CAMSAP1: variants seen among roughly 807,000 people sequenced by gnomAD.
CAMSAP1 encodes calmodulin-regulated spectrin-associated protein 1.
Under a neutral mutation model 143.5 loss-of-function variants are expected in CAMSAP1, and 58 were observed. The observed-to-expected ratio is 0.40, with a 90% CI of 0.33 to 0.50. The LOEUF (loss-of-function observed/expected upper bound fraction) is 0.50, where lower values mean the gene tolerates loss of function less well. Ranked by LOEUF, CAMSAP1 falls within the 20% of genes least tolerant of loss-of-function variation. The pLI is 0.45. For missense variants in CAMSAP1, 1,969 were observed against 2,115.7 expected (o/e 0.93, Z 1.36); for synonymous variants, 945 against 859.3 (o/e 1.10, Z -1.74).
intron 3 of CAMSAP1, among the ~76,000 whole-genome samples, chr9:135,881,357 CAAA>C (rs757023319): frequency 3.5e-5 from 4 of 114,618 alleles, no homozygotes; most frequent in African/African-American, 3.2e-5. Context: ...GACCCTGTCT[CAAA>C]AAAAAAAAAA....
At chr9:135,865,313 C>T (rs200824461) in intron 4 of CAMSAP1, 441 of 1,550,222 alleles carry the variant, frequency 2.8e-4, no homozygotes, top group Middle Eastern at 8.3e-4. Flanking sequence ...TGGCAGCTGG[C>T]GGCTTGGGGT....
At chr9:135,813,877 T>A (rs113245963) in intron 16 of CAMSAP1, among the ~76,000 whole-genome samples, 1 of 152,218 alleles carries the variant, frequency 6.6e-6, no homozygotes, top group Non-Finnish European at 1.5e-5. Flanking sequence ...GGGCTTTCCA[T>A]GGCCCACAGG....
intron 1 of CAMSAP1, among the ~76,000 whole-genome samples, chr9:135,888,271 T>C (rs1031328164): frequency 6.6e-6 from 1 of 152,248 alleles, no homozygotes; most frequent in African/African-American, 2.4e-5. Flanking sequence ...TCCGTCGCTA[T>C]TACTGCAATG....
chr9:135,833,183 G>T lies in CAMSAP1; in HGVS notation c.1046-5599C>A, dbSNP rs1381728992. Among the ~76,000 whole-genome samples, 6 of 148,056 alleles carry T rather than the reference G, an allele frequency of 4.1e-5. No homozygotes were observed. In the East Asian group the frequency reaches 1.2e-3, roughly 30 times the overall value. On this transcript the variant is annotated intron_variant, in intron 7 of 16. Transcript: ENST00000389532. The stretch of plus-strand genomic sequence containing the variant: ...TGCAAGCTCCGCCTCCCGGATTCAC[G>T]CCATTCTCTTGCCTCAGCCTCCCAA...
chr9:135,826,194 G>GCTTCTTGTGCGCACACACACA lies in CAMSAP1; in HGVS notation c.1223+1212_1223+1213insTGTGTGTGTGCGCACAAGAAG, dbSNP rs1554789548. The GCTTCTTGTGCGCACACACACA allele has an allele frequency of 5.7e-4, 65 of 113,626 alleles. No individual in the cohort carries two copies. Among genetic ancestry groups the GCTTCTTGTGCGCACACACACA allele is most frequent in the African/African-American group, 2.6e-3 (64 of 25,022 alleles). The allele number at this position is 113,626 out of a possible 1,614,324, so 7.0% of individuals were successfully genotyped here. A position where few individuals can be genotyped will look rare whatever the true frequency, so the allele number is the denominator to read the frequency against. ...CAGAGCAGCGTGTACACGGGCACCA[G>GCTTCTTGTGCGCACACACACA]CACACACACACACACACACACGGCT... is the stretch of plus-strand genomic sequence containing the variant. On this transcript the variant is annotated intron_variant, in intron 8 of 16. Transcript: ENST00000389532. This position sits in a 1 kb window ranked among gnomAD's most constrained non-coding sequence, Gnocchi z 4.4.
chr9:135,875,091 G>A (rs902317417), intron 3 of CAMSAP1, among the ~76,000 whole-genome samples: 5 of 152,084 alleles, frequency 3.3e-5, no homozygotes, highest in Admixed American at 6.5e-5. Flanking sequence ...CAATTCTCCC[G>A]AAATTCATCT....
At chr9:135,870,979 C>G (rs1243492030) in intron 3 of CAMSAP1, among the ~76,000 whole-genome samples, 1 of 152,106 alleles carries the variant, frequency 6.6e-6, no homozygotes, top group African/African-American at 2.4e-5. Flanking sequence ...ATAGCAAAAA[C>G]AGATTTGCAT....
chr9:135,861,698 G>T (rs1266486212), intron 5 of CAMSAP1, among the ~76,000 whole-genome samples: 1 of 152,058 alleles, frequency 6.6e-6, no homozygotes, highest in Non-Finnish European at 1.5e-5. Context: ...CAAGATCAAT[G>T]CCAGCTCAAT....
chr9:135,882,919 T>A lies in CAMSAP1; in HGVS notation c.320A>T (p.His107Leu). The A allele has an allele frequency of 6.4e-7, 1 of 1,551,714 alleles. No individual in the cohort carries two copies. The highest frequency in any genetic ancestry group is 2.4e-5 in the East Asian group (1 of 40,922). Reference sequence around the variant, plus strand: ...GGACAGGGCCTGGATGACAGACTGGTGTCCCTGTAAGGCGGCCACCTGGTC... The same window carrying A: ...GGACAGGGCCTGGATGACAGACTGGAGTCCCTGTAAGGCGGCCACCTGGTC... ...KGDQVAALQG[H>L]QSVIQALSRK... Residue 107 changes from histidine to leucine, a missense_variant, in exon 2 of 17, where the codon CAC becomes CTC. Transcript: ENST00000389532. The surrounding 1 kb of genome is among the most constrained non-coding windows in gnomAD (Gnocchi z 4.9).
chr9:135,890,486 G>A (rs1041570421), intron 1 of CAMSAP1, among the ~76,000 whole-genome samples: 1 of 152,152 alleles, frequency 6.6e-6, no homozygotes, highest in Non-Finnish European at 1.5e-5. Flanking sequence ...TGGTAAAGAC[G>A]GCAGGCTGTG....
intron 5 of CAMSAP1, among the ~76,000 whole-genome samples, chr9:135,861,940 C>T (rs964395270): frequency 1.7e-4 from 26 of 152,206 alleles, no homozygotes. Context: ...GTCATCGGAA[C>T]GTCCCCAACA....
At chr9:135,845,049 C>T (rs1451349849) in intron 7 of CAMSAP1, among the ~76,000 whole-genome samples, 3 of 152,012 alleles carry the variant, frequency 2.0e-5, no homozygotes, top group African/African-American at 4.8e-5. Flanking sequence ...TACCAAAACC[C>T]GGCAGAGACA....
chr9:135,864,502 A>G (rs12338243), intron 4 of CAMSAP1, among the ~76,000 whole-genome samples: 22,725 of 151,982 alleles, frequency 0.15, 2,190 homozygotes, highest in East Asian at 0.34. Flanking sequence ...ATGACACTGA[A>G]GGACACAGGC....
intron 1 of CAMSAP1, among the ~76,000 whole-genome samples, chr9:135,888,239 G>A (rs1042068936): frequency 2.6e-5 from 4 of 152,222 alleles, no homozygotes; most frequent in South Asian, 2.1e-4. Context: ...GGATGCACAC[G>A]GGAGTCTCAG....
At chr9:135,812,209 A>C (rs1253461743) in intron 16 of CAMSAP1, among the ~76,000 whole-genome samples, 1 of 152,228 alleles carries the variant, frequency 6.6e-6, no homozygotes. Context: ...ATGTACCCCC[A>C]AAAGCATGCA....
chr9:135,815,996 C>A lies in CAMSAP1; in HGVS notation c.4281G>T (p.Ser1427=), dbSNP rs147881781. The A allele has an allele frequency of 9.9e-6, 16 of 1,613,514 alleles. No homozygotes were observed. Among genetic ancestry groups the A allele is most frequent in the Non-Finnish European group, 1.4e-5 (16 of 1,179,860 alleles). Residue 1427 remains serine (S), a synonymous_variant, in exon 15 of 17, where the codon TCG becomes TCT. Coordinates refer to ENST00000389532, the MANE Select transcript of CAMSAP1 (RefSeq NM_015447.4). ...SGGTPSQRVE[S]MEALPILSRN... ...GGCTCAGTATGGGCAGGGCTTCCAT[C>A]GATTCCACTCTGCAGGCAGAAACAG...
intron 11 of CAMSAP1, among the ~76,000 whole-genome samples, chr9:135,819,612 T>C (rs1458135117): frequency 6.9e-6 from 1 of 144,380 alleles, no homozygotes; most frequent in Non-Finnish European, 1.5e-5. Flanking sequence ...GGAGAGTGGA[T>C]CACCTGAGGT....
chr9:135,846,771 C>T (rs988954233), intron 7 of CAMSAP1, among the ~76,000 whole-genome samples: 23 of 146,950 alleles, frequency 1.6e-4, no homozygotes, highest in Admixed American at 4.1e-4. Context: ...GGCCGACAAA[C>T]ATAAGAAAAA....
chr9:135,879,921 C>T (rs1047569557), intron 3 of CAMSAP1, among the ~76,000 whole-genome samples: 6 of 151,590 alleles, frequency 4.0e-5, no homozygotes, highest in African/African-American at 1.2e-4. Context: ...ACGTGGCTTA[C>T]GACAGAAAGC....
Sources: gnomAD v4.1 joint callset for allele counts (sites outside exome capture counted in the v4.1 genomes callset) on GRCh38, gnomAD v4.1.1 for gene constraint, Gnocchi (gnomAD v3.1) non-coding constraint, MANE v1.5 for transcripts, NCBI Gene and HGNC (gene_info 2026-07-23, HGNC 2026-07-21) for gene names.